Variants in ARHGEF10L observed in about 807,000 individuals in gnomAD.
ARHGEF10L encodes the protein Rho guanine nucleotide exchange factor 10 like.
A neutral mutation model predicts 141.2 loss-of-function variants in ARHGEF10L; 69 were observed. The observed-to-expected ratio is 0.49, with a 90% CI of 0.40 to 0.60. The LOEUF (loss-of-function observed/expected upper bound fraction) is 0.60. Ranked by LOEUF, ARHGEF10L falls within the 20% of genes least tolerant of loss-of-function variation. The pLI is 0.00. For synonymous variants in ARHGEF10L, 711 were observed against 718.5 expected (o/e 0.99, Z 0.17); for missense variants, 1,482 against 1,734.3 (o/e 0.85, Z 2.58).
intron 1 of ARHGEF10L, among the ~76,000 whole-genome samples, chr1:17,577,131 A>ACCT (rs1333465608): frequency 2.0e-5 from 3 of 151,856 alleles, no homozygotes; most frequent in Non-Finnish European, 2.9e-5. Context: ...TGCAACATCC[A>ACCT]CCTCCCAGGT....
At chr1:17,534,708 G>A (rs1290051149), upstream of ARHGEF10L, among the ~76,000 whole-genome samples, 2 of 151,494 alleles carry the variant, frequency 1.3e-5, no homozygotes, top group East Asian at 3.9e-4. Flanking sequence ...TCCTGCCTCA[G>A]CCTCCCTAGT....
chr1:17,584,255 G>A (rs1225217104), intron 2 of ARHGEF10L, among the ~76,000 whole-genome samples: 3 of 151,924 alleles, frequency 2.0e-5, no homozygotes, highest in African/African-American at 7.3e-5. Context: ...ATGTTACCTG[G>A]GCTGGTCACA....
At chr1:17,580,750 G>C (rs2078472094) in intron 2 of ARHGEF10L, 118 bp downstream of exon 2, 1 of 1,252,192 alleles carries the variant, frequency 8.0e-7, no homozygotes, top group Non-Finnish European at 1.1e-6. Context: ...TGCTCTGCTG[G>C]CTGCTGGCCC....
intron 6 of ARHGEF10L, chr1:17,605,011 A>G (rs924017305): frequency 6.6e-6 from 1 of 152,248 alleles, no homozygotes; most frequent in Non-Finnish European, 1.5e-5. Flanking sequence ...TACCCACCCC[A>G]GGATCCCCAT....
At position 17,603,304 on chromosome 1, in the gene ARHGEF10L, C is replaced by T. The variant is rs566050153; in HGVS notation, c.350-204C>T. Among the ~76,000 whole-genome samples, 6 of 91,614 alleles carry T rather than the reference C, an allele frequency of 6.5e-5. No homozygotes were observed. In the South Asian group the frequency reaches 9.6e-4, roughly 15 times the overall value. The allele number at this position is 91,614 out of a possible 152,430, so 60.1% of individuals were successfully genotyped here. On this transcript the variant is annotated intron_variant, in intron 5 of 28. Coordinates refer to ENST00000361221, the MANE Select transcript of ARHGEF10L (RefSeq NM_018125.4). The surrounding 1 kb of genome is among the most constrained non-coding windows in gnomAD (Gnocchi z 4.8). ...GGGGTCTGTGCAGTCACTGGGAGGGCGCCTTGGAGGGGGTGGGGGGCGGGG... is the reference window on the plus strand; with the variant it reads ...GGGGTCTGTGCAGTCACTGGGAGGGTGCCTTGGAGGGGGTGGGGGGCGGGG...
chr1:17,621,858 G>C lies in ARHGEF10L; in HGVS notation c.943-6G>C. ...GTGCGCTGACCGTGCTTTTTGGCCC[G>C]AGCAGGTGGTCCGGAGGCATATCCT... is the stretch of plus-strand genomic sequence containing the variant. On this transcript the variant is annotated splice_region_variant and splice_polypyrimidine_tract_variant and intron_variant, in intron 10 of 28. Transcript: ENST00000361221. This position sits in a 1 kb window ranked among gnomAD's most constrained non-coding sequence, Gnocchi z 4.1. 1 of 1,614,090 alleles carries C rather than the reference G, an allele frequency of 6.2e-7. No individual in the cohort carries two copies. The highest frequency in any genetic ancestry group is 8.5e-7 in the Non-Finnish European group (1 of 1,180,002).
chr1:17,637,082 G>T (rs2061047223), intron 18 of ARHGEF10L, among the ~76,000 whole-genome samples: 1 of 151,978 alleles, frequency 6.6e-6, no homozygotes, highest in Non-Finnish European at 1.5e-5. Context: ...ACCCACCATT[G>T]TTAACTGACT....
chr1:17,611,000 C>G (rs1010370338), intron 7 of ARHGEF10L, among the ~76,000 whole-genome samples: 5 of 151,822 alleles, frequency 3.3e-5, no homozygotes, highest in African/African-American at 1.2e-4. Flanking sequence ...CTCTCCCACT[C>G]TCCAGTGGTG....
At position 17,634,822 on chromosome 1, in the gene ARHGEF10L, T is replaced by C. The variant is rs769015005; in HGVS notation, c.1746-13T>C. On this transcript the variant is annotated splice_polypyrimidine_tract_variant and intron_variant, in intron 17 of 28. Coordinates refer to ENST00000361221, the MANE Select transcript of ARHGEF10L (RefSeq NM_018125.4). Reference sequence around the variant, plus strand: ...GCAGCCTCTCCAGGGCCTTGTCCTCTCTGTTCCAACAGGGGCCAGCTGGAG... The same window carrying C: ...GCAGCCTCTCCAGGGCCTTGTCCTCCCTGTTCCAACAGGGGCCAGCTGGAG... 1.2e-6 allele frequency: 2 copies of C among 1,608,382 alleles called. No homozygotes were observed. Among genetic ancestry groups the C allele is most frequent in the South Asian group, 1.1e-5 (1 of 90,178 alleles).
At chr1:17,586,628 G>A (rs1368604956) in intron 2 of ARHGEF10L, among the ~76,000 whole-genome samples, 2 of 152,184 alleles carry the variant, frequency 1.3e-5, no homozygotes, top group South Asian at 2.1e-4. Flanking sequence ...AACAAAAGCC[G>A]CTGAGCTCCT....
At chr1:17,591,751 G>A (rs1256609476) in intron 4 of ARHGEF10L, among the ~76,000 whole-genome samples, 1 of 152,102 alleles carries the variant, frequency 6.6e-6, no homozygotes, top group Non-Finnish European at 1.5e-5. Flanking sequence ...ATCTCACTCT[G>A]TTGCCCAGGC....
chr1:17,544,178 G>C (rs111910447), intron 1 of ARHGEF10L, among the ~76,000 whole-genome samples: 12,140 of 142,654 alleles, frequency 0.085, 556 homozygotes, highest in African/African-American at 0.12. Context: ...GTCTTGAACT[G>C]CTGACCTCAG....
chr1:17,617,422 T>A (rs929232467), intron 9 of ARHGEF10L, among the ~76,000 whole-genome samples: 1 of 152,180 alleles, frequency 6.6e-6, no homozygotes, highest in Non-Finnish European at 1.5e-5. Flanking sequence ...CTCTGGAGAA[T>A]GTCTAGGTCA....
intron 1 of ARHGEF10L, among the ~76,000 whole-genome samples, chr1:17,557,355 A>C (rs1369189029): frequency 1.1e-4 from 17 of 150,066 alleles, no homozygotes; most frequent in African/African-American, 2.9e-4. Context: ...AAAAAAAAAA[A>C]CAAAAAAAAC....
intron 26 of ARHGEF10L, among the ~76,000 whole-genome samples, chr1:17,683,646 G>A (rs865873423): frequency 6.6e-6 from 1 of 152,226 alleles, no homozygotes; most frequent in African/African-American, 2.4e-5. Context: ...GGCTGGGGCT[G>A]GAGGTGCTGT....
At chr1:17,610,467 G>A (rs532997087) in intron 7 of ARHGEF10L, among the ~76,000 whole-genome samples, 6 of 152,308 alleles carry the variant, frequency 3.9e-5, no homozygotes, top group Admixed American at 6.5e-5. Context: ...TTCTCTGGCC[G>A]TGGCCAAGGC....
At chr1:17,672,075 G>C (rs1370504009) in intron 26 of ARHGEF10L, among the ~76,000 whole-genome samples, 1 of 152,128 alleles carries the variant, frequency 6.6e-6, no homozygotes, top group Non-Finnish European at 1.5e-5. Flanking sequence ...GCCTCCTGCC[G>C]GTACCTCTGC....
At chr1:17,605,077 G>A (rs1262729784) in intron 6 of ARHGEF10L, among the ~76,000 whole-genome samples, 1 of 152,206 alleles carries the variant, frequency 6.6e-6, no homozygotes, top group Non-Finnish European at 1.5e-5. Flanking sequence ...TCAGTGCAGG[G>A]TGGAGTTTTG....
chr1:17,636,790 GA>G (rs1398139206), intron 18 of ARHGEF10L, among the ~76,000 whole-genome samples: 1 of 152,066 alleles, frequency 6.6e-6, no homozygotes, highest in Non-Finnish European at 1.5e-5. Flanking sequence ...TTATCTAAAT[GA>G]AAACCCCAAA....
Sources: gnomAD v4.1 joint callset for allele counts (sites outside exome capture counted in the v4.1 genomes callset) on GRCh38, gnomAD v4.1.1 for gene constraint, Gnocchi (gnomAD v3.1) non-coding constraint, MANE v1.5 for transcripts, NCBI Gene and HGNC (gene_info 2026-07-23, HGNC 2026-07-21) for gene names.